Variants in PDE3A observed in about 807,000 individuals in gnomAD.
The protein encoded by PDE3A is cGMP-inhibited 3',5'-cyclic phosphodiesterase 3A.
A neutral mutation model predicts 98.3 loss-of-function variants in PDE3A; 43 were observed. The ratio of observed to expected loss-of-function variants is 0.44; its 90% CI spans 0.34 to 0.56. The LOEUF is 0.56. Ranked by LOEUF, PDE3A falls within the 20% of genes least tolerant of loss-of-function variation. The pLI is 0.01. For missense variants in PDE3A, 1,427 were observed against 1,440.7 expected, an observed-to-expected ratio of 0.99 and a Z score of 0.15; for synonymous variants, 663 against 567.9, an observed-to-expected ratio of 1.17 and a Z score of -2.38.
chr12:20,605,838 C>CTAAT lies in PDE3A; in HGVS notation c.1012-7603_1012-7600dup, dbSNP rs552284865. On this transcript the variant is annotated intron_variant, in intron 2 of 15. Transcript: ENST00000359062. The stretch of plus-strand genomic sequence containing the variant: ...CGAAGAGAGGCTTTTGGTGCTGCTT[C>CTAAT]TAATTCTTTTCCTCCAGTTAGAATA... Among the ~76,000 whole-genome samples the CTAAT allele has an allele frequency of 4.3e-3, 655 of 152,290 alleles. 4 individuals are homozygous for CTAAT. Among genetic ancestry groups the CTAAT allele is most frequent in the Admixed American group, 0.013 (204 of 15,292 alleles).
At chr12:20,456,125 T>C (rs867293717) in intron 1 of PDE3A, among the ~76,000 whole-genome samples, 1 of 152,126 alleles carries the variant, frequency 6.6e-6, no homozygotes, top group African/African-American at 2.4e-5. Context: ...AGGGATCATC[T>C]CTTTCGCAGC....
chr12:20,670,791 A>G (rs1012852937), intron 15 of PDE3A, among the ~76,000 whole-genome samples: 2 of 135,664 alleles, frequency 1.5e-5, no homozygotes, highest in Admixed American at 7.4e-5. Flanking sequence ...TAAAAGAACT[A>G]GAAAAGCAAG....
At chr12:20,461,990 T>A (rs1945259166) in intron 1 of PDE3A, among the ~76,000 whole-genome samples, 1 of 152,206 alleles carries the variant, frequency 6.6e-6, no homozygotes, top group African/African-American at 2.4e-5. Context: ...GCACTTCTTT[T>A]GGCCACTTTC....
chr12:20,563,521 A>G (rs1168876761), intron 2 of PDE3A, among the ~76,000 whole-genome samples: 6 of 152,080 alleles, frequency 3.9e-5, no homozygotes, highest in Admixed American at 2.0e-4. Flanking sequence ...TTTTTCTACA[A>G]ACATAGTGTC....
chr12:20,389,113 C>T (rs552223396), intron 1 of PDE3A, among the ~76,000 whole-genome samples: 8 of 151,866 alleles, frequency 5.3e-5, no homozygotes, highest in African/African-American at 1.9e-4. Flanking sequence ...ATCATTCCAC[C>T]CAGTTTTTAC....
rs748116685 is a variant in PDE3A at position 20,370,162 on chromosome 12, G to T, written c.878G>T (p.Ser293Ile). The change falls in exon 1 of 16, where the codon AGC (serine) becomes ATC (isoleucine). Residue 293 changes from serine (S) to isoleucine (I), a missense_variant. Physicochemically the swap from Ser to Ile is moderately radical, Grantham distance 142 (BLOSUM62 -2). Transcript: ENST00000359062. ...GTGTTTAAGAGGAGGAGGCGGTCCA[G>T]CTCCGTCGTGTCCGCCGAGATGTCC... Reference protein sequence around the residue: ...IPVFKRRRRSSSVVSAEMSGC... With the variant: ...IPVFKRRRRSISVVSAEMSGC... 3 of 1,612,830 alleles carry T rather than the reference G, an allele frequency of 1.9e-6. No homozygotes were observed. The highest frequency in any genetic ancestry group is 2.5e-6 in the Non-Finnish European group (3 of 1,179,736).
intron 1 of PDE3A, among the ~76,000 whole-genome samples, chr12:20,395,578 T>TATATATATACATAG (rs1321872486): frequency 1.7e-5 from 2 of 115,598 alleles, no homozygotes; most frequent in African/African-American, 6.8e-5. Context: ...ATACATAGTA[T>TATATATATACATAG]TATATATGTA....
intron 1 of PDE3A, among the ~76,000 whole-genome samples, chr12:20,452,452 T>G (rs1348790007): frequency 1.3e-5 from 2 of 152,202 alleles, no homozygotes; most frequent in Non-Finnish European, 2.9e-5. Context: ...ACAGTTTTCC[T>G]TTGCAATGTG....
chr12:20,562,321 G>A (rs552096891), intron 2 of PDE3A, among the ~76,000 whole-genome samples: 292 of 151,108 alleles, frequency 1.9e-3, no homozygotes, highest in African/African-American at 6.8e-3. Context: ...CCCTGGTTCA[G>A]CGATTCTCCT....
intron 15 of PDE3A, among the ~76,000 whole-genome samples, chr12:20,670,131 T>A (rs529468111): frequency 3.4e-4 from 51 of 150,376 alleles, no homozygotes; most frequent in African/African-American, 1.2e-3. Flanking sequence ...AGGGATCAAT[T>A]CAACAAGAAG....
At chr12:20,665,714 C>A (rs571577423) in intron 15 of PDE3A, among the ~76,000 whole-genome samples, 1 of 151,984 alleles carries the variant, frequency 6.6e-6, no homozygotes, top group Non-Finnish European at 1.5e-5. Context: ...TTAAATTCTT[C>A]GTCTACACTT....
chr12:20,590,908 T>A (rs1357410605), intron 2 of PDE3A, among the ~76,000 whole-genome samples: 1 of 152,216 alleles, frequency 6.6e-6, no homozygotes, highest in Non-Finnish European at 1.5e-5. Context: ...AAAGCTGTAA[T>A]GATAATAGCA....
At chr12:20,503,702 T>G (rs1946064966) in intron 1 of PDE3A, among the ~76,000 whole-genome samples, 1 of 152,094 alleles carries the variant, frequency 6.6e-6, no homozygotes, top group East Asian at 1.9e-4. Flanking sequence ...CTACCTTATT[T>G]CAATACATTT....
chr12:20,502,953 T>C (rs1452260050), intron 1 of PDE3A, among the ~76,000 whole-genome samples: 2 of 152,144 alleles, frequency 1.3e-5, no homozygotes, highest in African/African-American at 4.8e-5. Flanking sequence ...ATTTAATCTT[T>C]CTAAGTCATT....
intron 1 of PDE3A, among the ~76,000 whole-genome samples, chr12:20,476,862 A>G (rs1945540298): frequency 6.6e-6 from 1 of 152,232 alleles, no homozygotes; most frequent in Non-Finnish European, 1.5e-5. Context: ...TTATTAAAGT[A>G]TACATTGAAA....
At chr12:20,446,108 C>T (rs1040594201) in intron 1 of PDE3A, among the ~76,000 whole-genome samples, 1 of 152,118 alleles carries the variant, frequency 6.6e-6, no homozygotes, top group African/African-American at 2.4e-5. Flanking sequence ...CCTTTCTCCC[C>T]CAACGTGCCT....
chr12:20,474,891 C>T (rs1945500738), intron 1 of PDE3A, among the ~76,000 whole-genome samples: 1 of 152,162 alleles, frequency 6.6e-6, no homozygotes, highest in African/African-American at 2.4e-5. Flanking sequence ...ATAACTTTGA[C>T]AGGTTCAGGG....
intron 1 of PDE3A, among the ~76,000 whole-genome samples, chr12:20,554,076 G>C (rs1477993588): frequency 6.7e-6 from 1 of 148,514 alleles, no homozygotes; most frequent in Non-Finnish European, 1.5e-5. Flanking sequence ...TATAACGTTA[G>C]GGTTTGGTTG....
intron 1 of PDE3A, among the ~76,000 whole-genome samples, chr12:20,541,384 C>T (rs557086967): frequency 1.3e-4 from 20 of 151,930 alleles, no homozygotes; most frequent in Non-Finnish European, 2.2e-4. Flanking sequence ...GGATTACAGG[C>T]ACAAGCCACC....
Sources: allele counts gnomAD v4.1 joint callset (sites outside exome capture counted in the v4.1 genomes callset), GRCh38; gene constraint gnomAD v4.1.1; transcripts MANE v1.5; gene names NCBI Gene and HGNC (gene_info 2026-07-23, HGNC 2026-07-21).